The following MGAT4C variants were observed in gnomAD, a reference collection of about 807,000 sequenced individuals.
MGAT4C encodes alpha-1,3-mannosyl-glycoprotein 4-beta-N-acetylglucosaminyltransferase C.
A neutral mutation model predicts 40.1 loss-of-function variants in MGAT4C; 19 were observed. That is an observed-to-expected ratio of 0.47 (90% CI 0.33 to 0.70). The LOEUF is 0.70. Among genes scored for constraint, MGAT4C ranks in the 30% least tolerant of loss-of-function variants. MGAT4C has a pLI of 0.02. For missense variants in MGAT4C, 491 were observed against 563.2 expected (o/e 0.87, Z 1.30); for synonymous variants, 181 against 187.1 (o/e 0.97, Z 0.27).
chr12:86,485,737 G>A (rs144682598), intron 2 of MGAT4C, among the ~76,000 whole-genome samples: 1 of 152,110 alleles, frequency 6.6e-6, no homozygotes, highest in African/African-American at 2.4e-5. Context: ...ACCCCTGTGA[G>A]GTACTATATA....
intron 2 of MGAT4C, among the ~76,000 whole-genome samples, chr12:86,441,794 C>A (rs1957233956): frequency 6.6e-6 from 1 of 152,058 alleles, no homozygotes; most frequent in Admixed American, 6.6e-5. Context: ...GTGAATAGTG[C>A]TGCAATAAAC....
chr12:86,546,623 G>T (rs1959194337), intron 2 of MGAT4C, among the ~76,000 whole-genome samples: 1 of 151,958 alleles, frequency 6.6e-6, no homozygotes, highest in South Asian at 2.1e-4. Flanking sequence ...GCTTTTGGTG[G>T]AATAGTTTAT....
intron 2 of MGAT4C, among the ~76,000 whole-genome samples, chr12:86,020,708 A>G (rs2136862939): frequency 6.6e-6 from 1 of 152,346 alleles, no homozygotes; most frequent in Non-Finnish European, 1.5e-5. Context: ...ACCAAAAGCA[A>G]TGGCAACAAA....
intron 1 of MGAT4C, among the ~76,000 whole-genome samples, chr12:86,789,130 G>A (rs1397863669): frequency 6.6e-6 from 1 of 152,108 alleles, no homozygotes; most frequent in Non-Finnish European, 1.5e-5. Flanking sequence ...GATTTAAAAT[G>A]TCAACTGACT....
At chr12:86,238,805 C>G (rs535727824) in intron 1 of MGAT4C, among the ~76,000 whole-genome samples, 1 of 151,942 alleles carries the variant, frequency 6.6e-6, no homozygotes, top group East Asian at 1.9e-4. Context: ...AATGTGAAAG[C>G]CTTTGAAGAA....
chr12:86,645,241 T>C (rs1199912609), intron 2 of MGAT4C, among the ~76,000 whole-genome samples: 1 of 151,722 alleles, frequency 6.6e-6, no homozygotes, highest in Non-Finnish European at 1.5e-5. Context: ...AGTGCATATT[T>C]CTGGGTATTG....
At chr12:86,532,104 C>A (rs1958996240) in intron 2 of MGAT4C, among the ~76,000 whole-genome samples, 1 of 151,790 alleles carries the variant, frequency 6.6e-6, no homozygotes, top group Non-Finnish European at 1.5e-5. Flanking sequence ...ATTTTGGGGG[C>A]ATTAAATTAA....
At chr12:86,155,182 C>T (rs1436309302) in intron 1 of MGAT4C, among the ~76,000 whole-genome samples, 1 of 152,162 alleles carries the variant, frequency 6.6e-6, no homozygotes. Flanking sequence ...ATCAATGTGG[C>T]TGTAGTACAG....
At chr12:85,990,768 A>G (rs1179569263) in intron 2 of MGAT4C, among the ~76,000 whole-genome samples, 1 of 152,104 alleles carries the variant, frequency 6.6e-6, no homozygotes, top group Non-Finnish European at 1.5e-5. Context: ...CTTTGATCAT[A>G]TTTTTCTTAA....
intron 2 of MGAT4C, among the ~76,000 whole-genome samples, chr12:86,521,774 T>C (rs912732799): frequency 1.3e-5 from 2 of 152,122 alleles, no homozygotes; most frequent in East Asian, 1.9e-4. Flanking sequence ...TTCCTTTTTT[T>C]CCTTTGGGCA....
chr12:86,406,347 T>G (rs760510674), intron 3 of MGAT4C, among the ~76,000 whole-genome samples: 1 of 151,726 alleles, frequency 6.6e-6, no homozygotes, highest in Non-Finnish European at 1.5e-5. Flanking sequence ...AAACTGTATA[T>G]GTAATAAAAA....
intron 1 of MGAT4C, among the ~76,000 whole-genome samples, chr12:86,812,324 T>A (rs1224724842): frequency 1.1e-4 from 17 of 152,118 alleles, no homozygotes. Context: ...ACTGGTTGAG[T>A]GTGCTGTTCA....
At chr12:86,316,526 T>C (rs1954236643) in intron 4 of MGAT4C, among the ~76,000 whole-genome samples, 1 of 152,130 alleles carries the variant, frequency 6.6e-6, no homozygotes, top group African/African-American at 2.4e-5. Flanking sequence ...CATGGGACAC[T>C]AGGCAGCCAT....
At chr12:86,639,409 C>T (rs1034317873) in intron 2 of MGAT4C, among the ~76,000 whole-genome samples, 1 of 151,404 alleles carries the variant, frequency 6.6e-6, no homozygotes. Context: ...TTGGGACATT[C>T]TTAATGAACA....
At chr12:86,615,585 C>A (rs973611948) in intron 2 of MGAT4C, among the ~76,000 whole-genome samples, 5 of 151,970 alleles carry the variant, frequency 3.3e-5, no homozygotes, top group Non-Finnish European at 7.4e-5. Context: ...GGCTAATAAA[C>A]TAATACCATA....
At chr12:86,599,507 G>T (rs1961681334) in intron 2 of MGAT4C, 1 of 152,082 alleles carries the variant, frequency 6.6e-6, no homozygotes, top group Admixed American at 6.6e-5. Flanking sequence ...ATTTGATTTA[G>T]ACTGCAAAAC....
chr12:86,802,697 C>A (rs10858488), intron 1 of MGAT4C, among the ~76,000 whole-genome samples: 46,383 of 146,134 alleles, frequency 0.32, 8,950 homozygotes, highest in Admixed American at 0.46. Flanking sequence ...CCTAGGAATC[C>A]AACTTACAAG....
intron 2 of MGAT4C, among the ~76,000 whole-genome samples, chr12:86,694,344 T>C (rs1467547734): frequency 1.3e-5 from 2 of 152,038 alleles, no homozygotes; most frequent in Non-Finnish European, 2.9e-5. Context: ...TATCATTAAA[T>C]CTGTTTCCCT....
intron 2 of MGAT4C, among the ~76,000 whole-genome samples, chr12:86,435,790 T>C (rs1051389446): frequency 2.0e-5 from 3 of 151,914 alleles, no homozygotes; most frequent in African/African-American, 4.8e-5. Flanking sequence ...CATTAAATAT[T>C]CCACTGTTCC....
Sources: allele counts gnomAD v4.1 joint callset (sites outside exome capture counted in the v4.1 genomes callset), GRCh38; gene constraint gnomAD v4.1.1; transcripts MANE v1.5; gene names NCBI Gene and HGNC (gene_info 2026-07-23, HGNC 2026-07-21).